The following ERBIN variants were observed in gnomAD, a reference collection of about 807,000 sequenced individuals.
ERBIN encodes erbb2 interacting protein.
A neutral mutation model predicts 158.4 loss-of-function variants in ERBIN; 60 were observed. The observed-to-expected ratio is 0.38, with a 90% CI of 0.31 to 0.47. The LOEUF (loss-of-function observed/expected upper bound fraction) is 0.47, where lower values mean the gene tolerates loss of function less well. ERBIN is among the 20% of genes least tolerant of loss of function. The pLI is 0.99. For missense variants in ERBIN, 1,610 were observed against 1,648.0 expected (o/e 0.98, Z 0.40); for synonymous variants, 594 against 557.2 (o/e 1.07, Z -0.93).
intron 8 of ERBIN, among the ~76,000 whole-genome samples, chr5:66,022,335 G>A (rs768970290): frequency 4.9e-4 from 75 of 152,016 alleles, no homozygotes; most frequent in Non-Finnish European, 1.5e-4. Context: ...TTTCAAAATC[G>A]TCATTAGTTT....
chr5:66,058,529 C>T (rs973018608), intron 21 of ERBIN, among the ~76,000 whole-genome samples: 1 of 151,152 alleles, frequency 6.6e-6, no homozygotes, highest in Non-Finnish European at 1.5e-5. Flanking sequence ...TGCAGAAGCT[C>T]TTTAGTTTAA....
intron 1 of ERBIN, among the ~76,000 whole-genome samples, chr5:65,973,809 G>A (rs1357880891): frequency 2.0e-5 from 3 of 151,202 alleles, no homozygotes; most frequent in Non-Finnish European, 2.9e-5. Context: ...GGAGGTTTGG[G>A]GATTAAGAAA....
In ERBIN at chr5:65,970,612, T is replaced by C. The variant is rs190835323; in HGVS notation, c.-57-18023T>C. ...AACTTTTTATATTCTTTTTAAGACG[T>C]GCTCTTGCTCTTTTGCTCAGAGTTG... On this transcript the variant is annotated intron_variant, in intron 1 of 25. Transcript: ENST00000284037. Among the ~76,000 whole-genome samples the C allele has an allele frequency of 3.1e-4, 47 of 152,362 alleles. 1 individual carries two copies. The East Asian group carries it at 8.5e-3, about 27-fold the overall frequency.
intron 4 of ERBIN, among the ~76,000 whole-genome samples, chr5:65,998,087 C>T (rs1162877450): frequency 1.3e-5 from 2 of 151,640 alleles, no homozygotes; most frequent in Non-Finnish European, 1.5e-5. Context: ...ATTAGCCAGG[C>T]GTGGTGGCAC....
chr5:66,072,342 G>T (rs1358326878), intron 22 of ERBIN, 51 bp downstream of exon 22: 1 of 1,538,018 alleles, frequency 6.5e-7, no homozygotes, highest in African/African-American at 1.4e-5. Flanking sequence ...TCTATATTTT[G>T]CAGCTTTTGG....
chr5:66,045,058 A>C lies in ERBIN; in HGVS notation c.1602+748A>C, dbSNP rs938921585. On this transcript the variant is annotated intron_variant, in intron 17 of 25. Coordinates refer to ENST00000284037, the MANE Select transcript of ERBIN (RefSeq NM_001253697.2). ...AGCAAGACAACCTGTCTCTACAAAA[A>C]ATTTTAAAAATTATCTGGGCATGGT... Among the ~76,000 whole-genome samples, 3 of 151,970 alleles carry C rather than the reference A, an allele frequency of 2.0e-5. 1 individual carries two copies. Among genetic ancestry groups the C allele is most frequent in the Admixed American group, 6.6e-5 (1 of 15,258 alleles).
At chr5:65,948,386 A>G (rs559678569) in intron 1 of ERBIN, among the ~76,000 whole-genome samples, 2 of 151,610 alleles carry the variant, frequency 1.3e-5, no homozygotes, top group African/African-American at 4.8e-5. Flanking sequence ...TGTATTTCCC[A>G]GGCTGGTCTT....
chr5:65,996,728 G>T (rs1470593249), intron 4 of ERBIN, among the ~76,000 whole-genome samples: 1 of 152,082 alleles, frequency 6.6e-6, no homozygotes, highest in Non-Finnish European at 1.5e-5. Flanking sequence ...TAGTATGGAC[G>T]TTTTAACAAT....
intron 17 of ERBIN, among the ~76,000 whole-genome samples, chr5:66,044,720 G>T (rs1231837281): frequency 6.6e-6 from 1 of 151,674 alleles, no homozygotes; most frequent in Non-Finnish European, 1.5e-5. Flanking sequence ...AGCCGAGATC[G>T]TACCACTGTG....
intron 2 of ERBIN, among the ~76,000 whole-genome samples, chr5:65,990,444 G>A (rs770274698): frequency 7.9e-5 from 12 of 151,758 alleles, no homozygotes; most frequent in Non-Finnish European, 1.2e-4. Flanking sequence ...CAAGACAGGC[G>A]GATCATGAGG....
At chr5:66,013,444 G>A (rs1580348316) in intron 5 of ERBIN, 105 bp from the exon 6 acceptor site, 2 of 836,772 alleles carry the variant, frequency 2.4e-6, no homozygotes, top group Non-Finnish European at 2.0e-6. Flanking sequence ...TAACAGAAGC[G>A]ACTGTTTTCT....
rs1759444164 is a variant in ERBIN at position 66,054,935 on chromosome 5, C to A, written c.3617C>A (p.Ala1206Asp). Residue 1206 changes from alanine (A) to aspartate (D), a missense_variant, in exon 21 of 26, where the codon GCC becomes GAC. Around this residue, in one of 2 missense-constraint regions of ERBIN, gnomAD observed 1,014 missense variants for 936.1 expected, o/e 1.08. Coordinates refer to ENST00000284037, the MANE Select transcript of ERBIN (RefSeq NM_001253697.2). ...WREQVLRHIEAKKLEKKHPQT... is the reference protein window; with the variant it reads ...WREQVLRHIEDKKLEKKHPQT... ...GAACAAGTACTTCGACATATTGAAG[C>A]CAAAAAGTTAGAAAAGGTAATTGAA... 1 of 1,570,704 alleles carries A rather than the reference C, an allele frequency of 6.4e-7. No individual in the cohort carries two copies.
At chr5:66,000,889 A>T (rs879863077) in intron 4 of ERBIN, among the ~76,000 whole-genome samples, 1 of 152,114 alleles carries the variant, frequency 6.6e-6, no homozygotes, top group Non-Finnish European at 1.5e-5. Flanking sequence ...TTAATTCCTC[A>T]TCTTATATTC....
chr5:65,951,208 G>A (rs1746465816), intron 1 of ERBIN, among the ~76,000 whole-genome samples: 1 of 152,054 alleles, frequency 6.6e-6, no homozygotes, highest in African/African-American at 2.4e-5. Flanking sequence ...GGCCTCTTAA[G>A]TATTTTTCAC....
At chr5:65,934,093 T>G (rs895954663) in intron 1 of ERBIN, among the ~76,000 whole-genome samples, 2 of 152,160 alleles carry the variant, frequency 1.3e-5, no homozygotes, top group African/African-American at 2.4e-5. Context: ...AGATGGGGTT[T>G]CACCGTGTTA....
intron 1 of ERBIN, among the ~76,000 whole-genome samples, chr5:65,955,795 C>T (rs1346049158): frequency 6.6e-6 from 1 of 152,188 alleles, no homozygotes; most frequent in African/African-American, 2.4e-5. Context: ...TTCAGTTACC[C>T]ACAGTCAACT....
rs201019977 is a variant in ERBIN, at chr5:66,073,585, T to A, written c.3756+1294T>A. Among the ~76,000 whole-genome samples, 12 of 152,330 alleles carry A rather than the reference T, an allele frequency of 7.9e-5. No homozygotes were observed. The South Asian group carries it at 1.2e-3, about 16-fold the overall frequency. ...TAACAGTGAAATAGAATGCCTTTTT[T>A]AAAAATACAAATCTATACCAAAGCT... is the stretch of plus-strand genomic sequence containing the variant. On this transcript the variant is annotated intron_variant, in intron 22 of 25. Coordinates refer to ENST00000284037, the MANE Select transcript of ERBIN (RefSeq NM_001253697.2).
At chr5:65,984,687 T>G in intron 1 of ERBIN, 1 of 152,266 alleles carries the variant, frequency 6.6e-6, no homozygotes, top group East Asian at 1.9e-4. Flanking sequence ...TGCTGGAGCC[T>G]CAGTAAGTCC....
intron 4 of ERBIN, among the ~76,000 whole-genome samples, chr5:66,002,099 A>G (rs968278434): frequency 6.6e-6 from 1 of 152,090 alleles, no homozygotes; most frequent in Non-Finnish European, 1.5e-5. Context: ...TTTGCTGAGG[A>G]TGATGGTTTC....
Sources: gnomAD v4.1 joint callset for allele counts (sites outside exome capture counted in the v4.1 genomes callset) on GRCh38, gnomAD v4.1.1 for gene constraint, gnomAD v4.1.1 regional missense constraint, MANE v1.5 for transcripts, NCBI Gene and HGNC (gene_info 2026-07-23, HGNC 2026-07-21) for gene names.